Variants in MACROD2 observed in about 807,000 individuals in gnomAD.
The protein encoded by MACROD2 is mono-ADP ribosylhydrolase 2.
MACROD2 carries 36 observed loss-of-function variants against 70.4 expected under a neutral mutation model. That is an observed-to-expected ratio of 0.51 (90% CI 0.39 to 0.68). MACROD2 has a LOEUF of 0.68. Ranked by LOEUF, MACROD2 falls within the 30% of genes least tolerant of loss-of-function variation. MACROD2 has a pLI of 0.00. For missense variants in MACROD2, 496 were observed against 538.4 expected (o/e 0.92, Z 0.78); for synonymous variants, 172 against 178.8 (o/e 0.96, Z 0.30).
intron 4 of MACROD2, among the ~76,000 whole-genome samples, chr20:14,585,180 T>G (rs1363113853): frequency 6.6e-6 from 1 of 152,154 alleles, no homozygotes; most frequent in Admixed American, 6.6e-5. Flanking sequence ...GCCAGAATTT[T>G]TACATAGGCG....
intron 4 of MACROD2, among the ~76,000 whole-genome samples, chr20:14,647,677 T>C (rs1985467766): frequency 6.6e-6 from 1 of 152,054 alleles, no homozygotes; most frequent in African/African-American, 2.4e-5. Context: ...TACTAGAATC[T>C]CTCTCACAAT....
chr20:15,704,403 C>T (rs1383668589), intron 8 of MACROD2, among the ~76,000 whole-genome samples: 1 of 152,072 alleles, frequency 6.6e-6, no homozygotes, highest in East Asian at 1.9e-4. Context: ...ACTACTACTA[C>T]AAAAACCTGC....
At chr20:15,046,785 C>A (rs2075397965) in intron 5 of MACROD2, among the ~76,000 whole-genome samples, 1 of 152,190 alleles carries the variant, frequency 6.6e-6, no homozygotes, top group African/African-American at 2.4e-5. Context: ...TCTACTCTTT[C>A]CACGCCTAGG....
chr20:14,184,148 G>A (rs2081326432), intron 3 of MACROD2, among the ~76,000 whole-genome samples: 1 of 152,000 alleles, frequency 6.6e-6, no homozygotes, highest in South Asian at 2.1e-4. Flanking sequence ...TTTCTTCCAG[G>A]GTTTTGTAGT....
At chr20:15,767,986 A>G (rs1468522507) in intron 8 of MACROD2, among the ~76,000 whole-genome samples, 3 of 152,032 alleles carry the variant, frequency 2.0e-5, no homozygotes, top group Non-Finnish European at 4.4e-5. Context: ...ACCAACCATT[A>G]TTTATAAAGC....
chr20:15,412,377 T>A (rs2046090817), intron 6 of MACROD2, among the ~76,000 whole-genome samples: 1 of 152,216 alleles, frequency 6.6e-6, no homozygotes, highest in African/African-American at 2.4e-5. Context: ...TTGAATACCC[T>A]TATGCATTGC....
chr20:15,470,582 C>A (rs76292024), intron 7 of MACROD2, among the ~76,000 whole-genome samples: 5,307 of 152,226 alleles, frequency 0.035, 302 homozygotes, highest in African/African-American at 0.12. Context: ...TCTTGTCCTG[C>A]AGAGATACCA....
At chr20:14,830,766 C>G (rs2122234418) in intron 5 of MACROD2, among the ~76,000 whole-genome samples, 1 of 152,238 alleles carries the variant, frequency 6.6e-6, no homozygotes, top group African/African-American at 2.4e-5. Context: ...TACGTGATAG[C>G]ACAGTTTGTA....
At chr20:14,106,668 G>A (rs1461255946) in intron 3 of MACROD2, among the ~76,000 whole-genome samples, 2 of 152,204 alleles carry the variant, frequency 1.3e-5, no homozygotes, top group Non-Finnish European at 2.9e-5. Context: ...CATTGTCCCA[G>A]TGGTGGTGGT....
intron 3 of MACROD2, among the ~76,000 whole-genome samples, chr20:14,370,862 A>G (rs990123653): frequency 1.3e-5 from 2 of 152,202 alleles, no homozygotes; most frequent in Non-Finnish European, 1.5e-5. Flanking sequence ...AATGCAATCT[A>G]AGTGGTAGCA....
chr20:15,502,611 A>G (rs1430073314), intron 8 of MACROD2, among the ~76,000 whole-genome samples: 1 of 152,168 alleles, frequency 6.6e-6, no homozygotes, highest in Non-Finnish European at 1.5e-5. Flanking sequence ...CAGACCAATT[A>G]AGAGGATGCT....
At chr20:15,400,046 C>A (rs1355794449) in intron 6 of MACROD2, among the ~76,000 whole-genome samples, 1 of 152,022 alleles carries the variant, frequency 6.6e-6, no homozygotes, top group Non-Finnish European at 1.5e-5. Flanking sequence ...AACTGCCCTC[C>A]AAGAAAATTC....
intron 5 of MACROD2, among the ~76,000 whole-genome samples, chr20:14,764,613 T>G (rs1292848235): frequency 6.6e-6 from 1 of 152,056 alleles, no homozygotes; most frequent in Admixed American, 6.6e-5. Flanking sequence ...CTAAAACAGT[T>G]TCTAAAATCT....
chr20:14,176,451 T>C (rs2081263958), intron 3 of MACROD2, among the ~76,000 whole-genome samples: 1 of 152,196 alleles, frequency 6.6e-6, no homozygotes, highest in South Asian at 2.1e-4. Flanking sequence ...GTTGCTAAAA[T>C]GTGACAATTT....
At chr20:15,963,850 A>T (rs1328435512) in intron 12 of MACROD2, among the ~76,000 whole-genome samples, 1 of 152,050 alleles carries the variant, frequency 6.6e-6, no homozygotes, top group Non-Finnish European at 1.5e-5. Flanking sequence ...TTTTTAATTT[A>T]TGAAAGTGTT....
chr20:14,484,472 T>A (rs540922831), intron 3 of MACROD2, among the ~76,000 whole-genome samples: 2 of 152,320 alleles, frequency 1.3e-5, no homozygotes, highest in East Asian at 3.9e-4. Context: ...TATTTTTAAA[T>A]ATACAACTAA....
At chr20:15,180,059 G>A (rs537446511) in intron 5 of MACROD2, among the ~76,000 whole-genome samples, 8 of 152,136 alleles carry the variant, frequency 5.3e-5, no homozygotes, top group East Asian at 3.9e-4. Context: ...GGTTTCTCTC[G>A]CTTTTGTGTC....
chr20:14,922,617 C>G (rs1326637951), intron 5 of MACROD2, among the ~76,000 whole-genome samples: 2 of 152,122 alleles, frequency 1.3e-5, no homozygotes, highest in African/African-American at 4.8e-5. Flanking sequence ...GAATCTACAG[C>G]TTTACCGAAG....
intron 8 of MACROD2, among the ~76,000 whole-genome samples, chr20:15,749,396 A>G (rs953347390): frequency 2.0e-5 from 3 of 152,040 alleles, no homozygotes; most frequent in African/African-American, 4.8e-5. Context: ...TCTCTATTAT[A>G]TATTTACTTG....
Sources: gnomAD v4.1 joint callset for allele counts (sites outside exome capture counted in the v4.1 genomes callset) on GRCh38, gnomAD v4.1.1 for gene constraint, MANE v1.5 for transcripts, NCBI Gene and HGNC (gene_info 2026-07-23, HGNC 2026-07-21) for gene names.